The following TPX2 variants were observed in gnomAD, a reference collection of about 807,000 sequenced individuals.
TPX2 encodes the protein TPX2 microtubule nucleation factor.
Under a neutral mutation model 93.6 loss-of-function variants are expected in TPX2, and 21 were observed. The observed-to-expected ratio is 0.22, with a 90% confidence interval of 0.16 to 0.32. The LOEUF is 0.32. Among genes scored for constraint, TPX2 ranks in the 10% least tolerant of loss-of-function variants. TPX2 has a pLI of 1.00. For synonymous variants in TPX2, 281 were observed against 298.3 expected, an observed-to-expected ratio of 0.94 and a Z score of 0.60; for missense variants, 776 against 871.1, an observed-to-expected ratio of 0.89 and a Z score of 1.37.
At chr20:31,756,056 A>C (rs1172752269) in intron 2 of TPX2, among the ~76,000 whole-genome samples, 2 of 152,346 alleles carry the variant, frequency 1.3e-5, no homozygotes, top group Admixed American at 6.5e-5. Flanking sequence ...ACTCAGAAAT[A>C]GTATTTTTTG....
chr20:31,766,598 T>C lies in TPX2; in HGVS notation c.272T>C (p.Val91Ala). 1 of 1,613,734 alleles carries C rather than the reference T, an allele frequency of 6.2e-7. No homozygotes were observed. The highest frequency in any genetic ancestry group is 8.5e-7 in the Non-Finnish European group (1 of 1,179,934). The change falls in exon 5 of 18, where the codon GTG becomes GCG. Residue 91 changes from valine to alanine, a missense_variant. Val to Ala is a moderately conservative substitution (Grantham distance 64). Transcript: ENST00000300403. ...YYKEAEKENL[V>A]EQSIPSNACS... ...AAAGAGGCAGAAAAAGAAAATCTTG[T>C]GGAACAATCCATTCCGTCAAATGCT...
At position 31,797,456 on chromosome 20, in the gene TPX2, C is replaced by T. The variant is rs756622891; in HGVS notation, c.1886C>T (p.Pro629Leu). 6.8e-6 allele frequency: 11 copies of T among 1,614,006 alleles called. No individual in the cohort carries two copies. Among genetic ancestry groups the T allele is most frequent in the Non-Finnish European group, 8.5e-6 (10 of 1,179,928 alleles). ...GAAGCAGCTTGTTTCAAGGCTCGTC[C>T]AAACACCGTCATCTCTCAGGAGCCC... ...QKEAACFKARPNTVISQEPFV... is the reference protein window; with the variant it reads ...QKEAACFKARLNTVISQEPFV... Residue 629 changes from proline to leucine, a missense_variant, in exon 16 of 18, where the codon CCA (proline) becomes CTA (leucine). Physicochemically the swap from Pro to Leu is moderately conservative, Grantham distance 98. Around this residue, in one of 3 missense-constraint regions of TPX2, gnomAD observed 461 missense variants for 551.2 expected, o/e 0.84. Coordinates refer to ENST00000300403, the MANE Select transcript of TPX2 (RefSeq NM_012112.5).
At chr20:31,800,947 G>C in intron 17 of TPX2, 23 bp from the exon 18 acceptor site, 14 of 1,582,446 alleles carry the variant, frequency 8.8e-6, no homozygotes, top group Non-Finnish European at 1.1e-5. Flanking sequence ...CCCTCTCACT[G>C]GTAACTTTTC....
At chr20:31,785,392 G>GCT (rs2062059605) in intron 12 of TPX2, among the ~76,000 whole-genome samples, 1 of 152,122 alleles carries the variant, frequency 6.6e-6, no homozygotes, top group East Asian at 1.9e-4. Flanking sequence ...AGCCAGAAGG[G>GCT]CTCAACGTTT....
intron 13 of TPX2, 98 bp downstream of exon 13, chr20:31,792,928 A>G (rs1422587427): frequency 8.9e-7 from 1 of 1,127,134 alleles, no homozygotes; most frequent in African/African-American, 1.6e-5. Flanking sequence ...AAAGGCAACC[A>G]CTCTTTTTTG....
intron 7 of TPX2, among the ~76,000 whole-genome samples, chr20:31,773,522 C>T (rs2061977433): frequency 6.6e-6 from 1 of 151,960 alleles, no homozygotes; most frequent in African/African-American, 2.4e-5. Flanking sequence ...GAACTCCTGA[C>T]CTCAAGTGAT....
intron 7 of TPX2, among the ~76,000 whole-genome samples, chr20:31,772,047 G>T (rs889761072): frequency 4.2e-5 from 6 of 142,232 alleles, no homozygotes; most frequent in Non-Finnish European, 7.5e-5. Context: ...TTGAGACAGA[G>T]GCTCACTCTG....
chr20:31,777,321 A>G (rs1489258460), intron 8 of TPX2, among the ~76,000 whole-genome samples, 166 bp from the exon 9 acceptor site: 1 of 152,214 alleles, frequency 6.6e-6, no homozygotes, highest in Admixed American at 6.5e-5. Flanking sequence ...AATATGACAC[A>G]TATATTAGTG....
At chr20:31,759,928 C>T in intron 3 of TPX2, 129 bp from the exon 4 acceptor site, 4 of 1,250,058 alleles carry the variant, frequency 3.2e-6, no homozygotes, top group Non-Finnish European at 4.4e-6. Flanking sequence ...ATTGCTAGAA[C>T]TTTGCTTGTA....
At chr20:31,794,768 GTGTGTGTGTGTGTGTGTGTGTGTA>G (rs1412039251) in intron 15 of TPX2, among the ~76,000 whole-genome samples, 3 of 151,100 alleles carry the variant, frequency 2.0e-5, no homozygotes, top group Admixed American at 6.6e-5. Context: ...GTGTGTGTGT[GTGTGTGTGTGTGTGTGTGTGTGTA>G]TGTGTGTGTG....
intron 4 of TPX2, among the ~76,000 whole-genome samples, chr20:31,764,556 C>T (rs1196771586): frequency 6.6e-6 from 1 of 152,100 alleles, no homozygotes; most frequent in East Asian, 1.9e-4. Flanking sequence ...TATAGCCACT[C>T]TAGTTTTCTT....
chr20:31,774,525 C>T (rs1240626856), intron 7 of TPX2, among the ~76,000 whole-genome samples: 1 of 152,088 alleles, frequency 6.6e-6, no homozygotes, highest in Non-Finnish European at 1.5e-5. Flanking sequence ...TCAAGCACTT[C>T]AGAGACATCA....
intron 12 of TPX2, among the ~76,000 whole-genome samples, chr20:31,784,618 A>G (rs2062054128): frequency 6.6e-6 from 1 of 152,210 alleles, no homozygotes; most frequent in Non-Finnish European, 1.5e-5. Flanking sequence ...ATTACATGAT[A>G]AAAAGCCTGA....
At chr20:31,751,821 CAA>C (rs1184341224) in intron 2 of TPX2, among the ~76,000 whole-genome samples, 1 of 152,332 alleles carries the variant, frequency 6.6e-6, no homozygotes, top group East Asian at 1.9e-4. Flanking sequence ...CAGCTCACTG[CAA>C]CCTTCGCCTC....
At chr20:31,745,178 C>G (rs1320710970) in intron 2 of TPX2, among the ~76,000 whole-genome samples, 1 of 152,182 alleles carries the variant, frequency 6.6e-6, no homozygotes, top group South Asian at 2.1e-4. Context: ...TTACCTAAAA[C>G]AGTATATATT....
intron 7 of TPX2, 87 bp downstream of exon 7, chr20:31,771,769 G>T: frequency 6.8e-7 from 1 of 1,476,754 alleles, no homozygotes; most frequent in Non-Finnish European, 9.1e-7. Flanking sequence ...GTACCTGGAG[G>T]TTGGCAAACT....
Position 31,775,972 on chromosome 20 carries a change from T to G in TPX2, c.714T>G (p.Leu238=). ...MRKKNEEFKK[L]ALAGIGQPVK... ...AAAAGAATGAAGAATTCAAGAAACT[T>G]GCTCTGGCTGGAATAGGTGAGCTTG... Residue 238 remains leucine (L), a synonymous_variant, in exon 8 of 18, where the codon CTT becomes CTG. Coordinates refer to ENST00000300403, the MANE Select transcript of TPX2 (RefSeq NM_012112.5). 1 of 1,547,016 alleles carries G rather than the reference T, an allele frequency of 6.5e-7. No homozygotes were observed. Among genetic ancestry groups the G allele is most frequent in the Non-Finnish European group, 8.8e-7 (1 of 1,140,010 alleles).
chr20:31,753,384 GT>G (rs2061831709), intron 2 of TPX2, among the ~76,000 whole-genome samples: 1 of 152,162 alleles, frequency 6.6e-6, no homozygotes, highest in East Asian at 1.9e-4. Context: ...TTACAGGATT[GT>G]TTTGCATATC....
intron 15 of TPX2, among the ~76,000 whole-genome samples, chr20:31,795,993 TC>T (rs2062136921): frequency 6.6e-6 from 1 of 152,200 alleles, no homozygotes; most frequent in African/African-American, 2.4e-5. Context: ...TGAACGTTGG[TC>T]CCCTGTTAGT....
Sources: gnomAD v4.1 joint callset for allele counts (sites outside exome capture counted in the v4.1 genomes callset) on GRCh38, gnomAD v4.1.1 for gene constraint, gnomAD v4.1.1 regional missense constraint, MANE v1.5 for transcripts, NCBI Gene and HGNC (gene_info 2026-07-23, HGNC 2026-07-21) for gene names.